Variants in WARS2 observed in about 807,000 individuals in gnomAD.
WARS2 encodes the protein tryptophan--tRNA ligase, mitochondrial.
A neutral mutation model predicts 36.5 loss-of-function variants in WARS2; 28 were observed. The ratio of observed to expected loss-of-function variants is 0.77; its 90% CI spans 0.57 to 1.05. The LOEUF (loss-of-function observed/expected upper bound fraction) is 1.05, where lower values mean the gene tolerates loss of function less well. Among genes scored for constraint, WARS2 ranks in the 50% least tolerant of loss-of-function variants. The pLI is 0.00. For missense variants in WARS2, 435 were observed against 456.8 expected, an observed-to-expected ratio of 0.95 and a Z score of 0.44; for synonymous variants, 174 against 178.4, an observed-to-expected ratio of 0.98 and a Z score of 0.20.
At chr1:119,106,690 C>T (rs191759606) in intron 1 of WARS2, among the ~76,000 whole-genome samples, 1 of 152,238 alleles carries the variant, frequency 6.6e-6, no homozygotes, top group East Asian at 1.9e-4. Flanking sequence ...TCTGGATGTA[C>T]CACAGTTTAT....
intron 1 of WARS2, among the ~76,000 whole-genome samples, chr1:119,099,536 A>G (rs1653708333): frequency 6.6e-6 from 1 of 152,200 alleles, no homozygotes; most frequent in Non-Finnish European, 1.5e-5. Context: ...CAAAAGCAAT[A>G]TGGAGGAAAA....
At chr1:119,118,988 A>G (rs1158383126) in intron 1 of WARS2, among the ~76,000 whole-genome samples, 1 of 152,220 alleles carries the variant, frequency 6.6e-6, no homozygotes, top group Non-Finnish European at 1.5e-5. Flanking sequence ...TAAACATCAC[A>G]TGGCCTATAA....
chr1:119,103,562 C>T (rs779964036), intron 1 of WARS2, among the ~76,000 whole-genome samples: 103 of 152,024 alleles, frequency 6.8e-4, no homozygotes, highest in African/African-American at 2.2e-3. Flanking sequence ...AGAATTTGTA[C>T]TTTAACTTTT....
chr1:119,058,919 C>A (rs982364960), intron 2 of WARS2, among the ~76,000 whole-genome samples: 2 of 151,160 alleles, frequency 1.3e-5, no homozygotes, highest in Non-Finnish European at 2.9e-5. Flanking sequence ...GTTTACAGTC[C>A]CACCAACAGT....
Position 119,076,537 on chromosome 1 carries a change from C to T in WARS2, c.161G>A (p.Gly54Glu), listed in dbSNP as rs1383881855. Reference sequence around the variant, plus strand: ...TAACCTCACCCAGCTCTCAATGGCTCCCAGGTAATTGCCCAGGTGGAGGAT... The same window carrying T: ...TAACCTCACCCAGCTCTCAATGGCTTCCAGGTAATTGCCCAGGTGGAGGAT... Reference protein sequence around the residue: ...TGILHLGNYLGAIESWVRLQD... With the variant: ...TGILHLGNYLEAIESWVRLQD... The change falls in exon 2 of 6, where the codon GGA becomes GAA. Residue 54 changes from glycine to glutamate, a missense_variant. Gly to Glu is a moderately conservative substitution (Grantham distance 98). Transcript: ENST00000235521. 2 of 1,614,112 alleles carry T rather than the reference C, an allele frequency of 1.2e-6. No individual in the cohort carries two copies. Among genetic ancestry groups the T allele is most frequent in the Non-Finnish European group, 1.7e-6 (2 of 1,180,026 alleles).
intron 1 of WARS2, among the ~76,000 whole-genome samples, chr1:119,079,096 T>C (rs1164500755): frequency 6.6e-6 from 1 of 152,148 alleles, no homozygotes; most frequent in Non-Finnish European, 1.5e-5. Flanking sequence ...CTTTTTTTCC[T>C]ATATGAATAT....
intron 1 of WARS2, chr1:119,085,228 G>T (rs995545143): frequency 3.5e-6 from 3 of 853,032 alleles, no homozygotes; most frequent in Non-Finnish European, 4.1e-6. Flanking sequence ...TCGTGCTTGG[G>T]TTTCCCCTTC....
chr1:119,123,851 C>T (rs1357263486), intron 1 of WARS2, among the ~76,000 whole-genome samples: 1 of 151,872 alleles, frequency 6.6e-6, no homozygotes, highest in South Asian at 2.1e-4. Context: ...GATAATTACA[C>T]CCTATCTCAA....
At chr1:119,034,048 C>T in intron 5 of WARS2, 47 bp downstream of exon 5, 6 of 1,541,876 alleles carry the variant, frequency 3.9e-6, no homozygotes, top group Non-Finnish European at 4.5e-6. Context: ...GTCCAATCCT[C>T]TCTTTAGAAT....
intron 1 of WARS2, among the ~76,000 whole-genome samples, chr1:119,126,317 T>G (rs1041482376): frequency 2.0e-5 from 3 of 151,954 alleles, no homozygotes; most frequent in Non-Finnish European, 2.9e-5. Flanking sequence ...GTTTCAAATC[T>G]AATTTACAAT....
intron 3 of WARS2, among the ~76,000 whole-genome samples, chr1:119,043,925 T>C (rs1648577779): frequency 6.6e-6 from 1 of 152,164 alleles, no homozygotes; most frequent in Non-Finnish European, 1.5e-5. Context: ...CTATTCCACC[T>C]TTTGCTGTCC....
intron 1 of WARS2, among the ~76,000 whole-genome samples, chr1:119,110,404 A>C (rs1375058117): frequency 6.6e-6 from 1 of 152,094 alleles, no homozygotes; most frequent in Non-Finnish European, 1.5e-5. Flanking sequence ...CACAGGGAAC[A>C]GAATTCCAGA....
intron 3 of WARS2, 108 bp downstream of exon 3, chr1:119,045,474 T>C (rs1648715045): frequency 1.1e-6 from 1 of 894,890 alleles, no homozygotes; most frequent in African/African-American, 1.7e-5. Flanking sequence ...GTTCCAACCA[T>C]TAGTGAGTGG....
chr1:119,051,793 G>T (rs900207211), intron 2 of WARS2, among the ~76,000 whole-genome samples: 3 of 125,094 alleles, frequency 2.4e-5, no homozygotes, highest in Non-Finnish European at 3.3e-5. Context: ...TTTGAGACAA[G>T]GTCTCACTCT....
chr1:119,103,490 A>G (rs899999340), intron 1 of WARS2, among the ~76,000 whole-genome samples: 3 of 152,118 alleles, frequency 2.0e-5, no homozygotes, highest in African/African-American at 7.2e-5. Context: ...TTTAATTATC[A>G]TATGCCACTG....
intron 1 of WARS2, among the ~76,000 whole-genome samples, chr1:119,100,381 G>A (rs1343662101): frequency 1.3e-5 from 2 of 152,192 alleles, no homozygotes; most frequent in African/African-American, 4.8e-5. Context: ...AAACTGTATG[G>A]AGATGTCTTT....
At chr1:119,126,736 C>G (rs181205662) in intron 1 of WARS2, 27 of 734,380 alleles carry the variant, frequency 3.7e-5, no homozygotes, top group Non-Finnish European at 5.0e-5. Context: ...GATTGGCAAG[C>G]CTTTTCTATG....
At chr1:119,055,930 G>T (rs527873813) in intron 2 of WARS2, among the ~76,000 whole-genome samples, 2 of 151,284 alleles carry the variant, frequency 1.3e-5, no homozygotes, top group South Asian at 4.2e-4. Flanking sequence ...TTAGTTTACG[G>T]AATAAAACTC....
intron 1 of WARS2, among the ~76,000 whole-genome samples, chr1:119,137,242 G>A (rs1262754827): frequency 6.6e-6 from 1 of 152,042 alleles, no homozygotes; most frequent in Non-Finnish European, 1.5e-5. Flanking sequence ...GAAATTCTCT[G>A]TACTAATTTT....
Sources: allele counts gnomAD v4.1 joint callset (sites outside exome capture counted in the v4.1 genomes callset), GRCh38; gene constraint gnomAD v4.1.1; transcripts MANE v1.5; gene names NCBI Gene and HGNC (gene_info 2026-07-23, HGNC 2026-07-21).